ADAMTS9: variants seen among roughly 807,000 people sequenced by gnomAD.
ADAMTS9 encodes the protein A disintegrin and metalloproteinase with thrombospondin motifs 9.
ADAMTS9 carries 107 observed loss-of-function variants against 257.1 expected under a neutral mutation model. The observed-to-expected ratio is 0.42, with a 90% CI of 0.36 to 0.49. ADAMTS9 has a LOEUF of 0.49. ADAMTS9 is among the 20% of genes least tolerant of loss of function. The pLI is 0.03. For missense variants in ADAMTS9, 2,353 were observed against 2,469.1 expected (o/e 0.95, Z 1.00); for synonymous variants, 982 against 880.9 (o/e 1.11, Z -2.03).
At chr3:64,557,381 A>T (rs774458063) in intron 30 of ADAMTS9, among the ~76,000 whole-genome samples, 29 of 152,344 alleles carry the variant, frequency 1.9e-4, no homozygotes, top group South Asian at 6.2e-4. Context: ...TGATACTATT[A>T]ACAAGTAAAT....
intron 26 of ADAMTS9, among the ~76,000 whole-genome samples, chr3:64,599,209 A>G (rs1189644647): frequency 6.6e-6 from 1 of 152,214 alleles, no homozygotes; most frequent in East Asian, 1.9e-4. Flanking sequence ...AGTATTGTAC[A>G]TAACCTTTCT....
intron 19 of ADAMTS9, among the ~76,000 whole-genome samples, chr3:64,619,949 T>G (rs2106857427): frequency 6.6e-6 from 1 of 152,282 alleles, no homozygotes; most frequent in South Asian, 2.1e-4. Flanking sequence ...CAAAGATGGG[T>G]TTATATGGAC....
chr3:64,557,893 T>A (rs1394052874), intron 30 of ADAMTS9, among the ~76,000 whole-genome samples: 1 of 152,170 alleles, frequency 6.6e-6, no homozygotes, highest in Non-Finnish European at 1.5e-5. Flanking sequence ...TTCTACCCTA[T>A]ATCTGAAAGT....
In ADAMTS9 at chr3:64,601,834, GT is replaced by G. The variant is rs1274798395; in HGVS notation, c.4017+109del. The G allele has an allele frequency of 3.0e-6, 4 of 1,316,292 alleles. No individual in the cohort carries two copies. The African/African-American group carries it at 5.9e-5, about 19-fold the overall frequency. 81.5% of individuals were successfully genotyped at this position (1,316,292 alleles called of 1,614,324 possible). A position where few individuals can be genotyped will look rare whatever the true frequency, so the allele number is the denominator to read the frequency against. ...CTCAAAGCAAATGAAAATGCACAAT[GT>G]CAATCCCTTGTAAAGAAAAAAATAT... On this transcript the variant is annotated intron_variant, in intron 26 of 39. Transcript: ENST00000498707.
In ADAMTS9 at chr3:64,622,297, C is replaced by T. The variant is rs375095054; in HGVS notation, c.2587G>A (p.Asp863Asn). The change falls in exon 18 of 40, where the codon GAT (aspartate) becomes AAT (asparagine). Residue 863 changes from aspartate (D) to asparagine (N), a missense_variant. This residue lies in a region of ADAMTS9 where 1,402 missense variants were observed against 1,441.4 expected (regional missense o/e 0.97). Transcript: ENST00000498707. ...VLSVGKLYNP[D>N]VRYSFNIPIE... The stretch of plus-strand genomic sequence containing the variant: ...GGAATATTGAAAGAATAGCGTACAT[C>T]GGGGTTGTACAACTTTCCCACCGAC... The T allele has an allele frequency of 2.7e-5, 43 of 1,613,468 alleles. No individual in the cohort carries two copies. The highest frequency in any genetic ancestry group is 1.0e-4 in the Admixed American group (6 of 59,960).
rs2083208535 is a variant in ADAMTS9, at chr3:64,546,963, A to G, written c.4870-11T>C. ...ACAGGTCACTGAGCACTGCAAAGACAGGGATTGAGAGGAGAGGTTCGAGCA... is the reference window on the plus strand; with the variant it reads ...ACAGGTCACTGAGCACTGCAAAGACGGGGATTGAGAGGAGAGGTTCGAGCA... On this transcript the variant is annotated splice_polypyrimidine_tract_variant and intron_variant, in intron 31 of 39. Coordinates refer to ENST00000498707, the MANE Select transcript of ADAMTS9 (RefSeq NM_182920.2). The G allele has an allele frequency of 6.3e-7, 1 of 1,596,792 alleles. No homozygotes were observed. Among genetic ancestry groups the G allele is most frequent in the South Asian group, 1.2e-5 (1 of 86,588 alleles).
intron 28 of ADAMTS9, among the ~76,000 whole-genome samples, chr3:64,591,269 G>A (rs577686081): frequency 1.3e-5 from 2 of 152,094 alleles, no homozygotes; most frequent in East Asian, 1.9e-4. Context: ...GCGAAACCCC[G>A]TCTCTACTAA....
chr3:64,667,775 C>G (rs1490812921), intron 3 of ADAMTS9, among the ~76,000 whole-genome samples: 1 of 152,186 alleles, frequency 6.6e-6, no homozygotes, highest in Non-Finnish European at 1.5e-5. Context: ...TTCTCTGTGT[C>G]AGGCACTCTC....
chr3:64,582,209 C>T (rs748062833), intron 28 of ADAMTS9, among the ~76,000 whole-genome samples: 6 of 151,996 alleles, frequency 3.9e-5, no homozygotes, highest in Non-Finnish European at 7.4e-5. Flanking sequence ...AGAGGAGGTG[C>T]GAGGAGGTAG....
At chr3:64,544,276 T>C (rs977503402) in intron 32 of ADAMTS9, among the ~76,000 whole-genome samples, 1 of 152,090 alleles carries the variant, frequency 6.6e-6, no homozygotes, top group African/African-American at 2.4e-5. Flanking sequence ...TTAAAGTTCA[T>C]ATGGAACCAA....
chr3:64,539,966 C>T (rs1006932453), intron 36 of ADAMTS9, among the ~76,000 whole-genome samples: 7 of 152,164 alleles, frequency 4.6e-5, no homozygotes, highest in South Asian at 4.1e-4. Context: ...GGAGTTAACC[C>T]GAGAATCCTG....
chr3:64,523,916 G>C (rs537110229), intron 38 of ADAMTS9, among the ~76,000 whole-genome samples: 1 of 152,104 alleles, frequency 6.6e-6, no homozygotes, highest in Non-Finnish European at 1.5e-5. Context: ...ACACTTAATG[G>C]CTCTGAATAT....
intron 30 of ADAMTS9, among the ~76,000 whole-genome samples, chr3:64,561,065 C>CT (rs57577807): frequency 5.5e-4 from 46 of 83,664 alleles, no homozygotes; most frequent in East Asian, 9.3e-4. Flanking sequence ...AGATACCATC[C>CT]TTTTTTTTTT....
At chr3:64,543,397 C>G (rs559827566) in intron 32 of ADAMTS9, among the ~76,000 whole-genome samples, 1 of 152,302 alleles carries the variant, frequency 6.6e-6, no homozygotes, top group East Asian at 1.9e-4. Context: ...AATCCAGCAG[C>G]ACATCAAAAA....
At chr3:64,665,409 T>C (rs1452715742) in intron 3 of ADAMTS9, among the ~76,000 whole-genome samples, 1 of 152,168 alleles carries the variant, frequency 6.6e-6, no homozygotes, top group Non-Finnish European at 1.5e-5. Context: ...ACTTACAATG[T>C]GGAGTAAGAA....
In ADAMTS9 at chr3:64,615,367, C is replaced by T; in HGVS notation, c.3143G>A (p.Cys1048Tyr). The T allele has an allele frequency of 6.2e-7, 1 of 1,614,084 alleles. No homozygotes were observed. The highest frequency in any genetic ancestry group is 8.5e-7 in the Non-Finnish European group (1 of 1,179,962). ...CCACTGTGGACAAGGGAACTCACTG[C>T]ACCTCTGAATGGTAACTTTCTCTTG... ...THQEKVTIQR[C>Y]SEFPCPQWKS... Residue 1048 changes from cysteine (C) to tyrosine (Y), a missense_variant, in exon 21 of 40, where the codon TGC becomes TAC. Cys to Tyr is a radical substitution (Grantham distance 194). Coordinates refer to ENST00000498707, the MANE Select transcript of ADAMTS9 (RefSeq NM_182920.2).
chr3:64,601,365 G>A (rs751620079), intron 26 of ADAMTS9, among the ~76,000 whole-genome samples: 47 of 152,166 alleles, frequency 3.1e-4, no homozygotes, highest in Non-Finnish European at 6.3e-4. Flanking sequence ...AAATTTAGAA[G>A]TGTAAGTCAT....
chr3:64,622,728 C>A, intron 16 of ADAMTS9, 142 bp from the exon 17 acceptor site: 3 of 812,272 alleles, frequency 3.7e-6, no homozygotes, highest in African/African-American at 1.7e-5. Flanking sequence ...CTTCAAGTCC[C>A]AAGTTTGCTA....
At chr3:64,664,064 C>A (rs903122450) in intron 3 of ADAMTS9, among the ~76,000 whole-genome samples, 4 of 152,062 alleles carry the variant, frequency 2.6e-5, no homozygotes, top group African/African-American at 9.7e-5. Flanking sequence ...ATCCACATTT[C>A]TCTTTTGTGA....
Sources: allele counts gnomAD v4.1 joint callset (sites outside exome capture counted in the v4.1 genomes callset), GRCh38; gene constraint gnomAD v4.1.1; regional missense constraint gnomAD v4.1.1; transcripts MANE v1.5; gene names NCBI Gene and HGNC (gene_info 2026-07-23, HGNC 2026-07-21).